The following MFSD1 variants were observed in gnomAD, a reference collection of about 807,000 sequenced individuals.
The protein encoded by MFSD1 is major facilitator superfamily domain containing 1.
Under a neutral mutation model 67.1 loss-of-function variants are expected in MFSD1, and 59 were observed. That is an observed-to-expected ratio of 0.88 (90% CI 0.71 to 1.09). MFSD1 has a LOEUF of 1.09. Ranked by LOEUF, MFSD1 falls within the 50% of genes least tolerant of loss-of-function variation. The pLI is 0.00. For missense variants in MFSD1, 552 were observed against 566.1 expected, an observed-to-expected ratio of 0.97 and a Z score of 0.25; for synonymous variants, 213 against 200.3, an observed-to-expected ratio of 1.06 and a Z score of -0.54.
intron 7 of MFSD1, among the ~76,000 whole-genome samples, chr3:158,814,799 G>A (rs1730230887): frequency 6.6e-6 from 1 of 152,086 alleles, no homozygotes; most frequent in South Asian, 2.1e-4. Context: ...AAAGTTTATA[G>A]CAGCCGGGCA....
rs1315001394 is a variant in MFSD1, at chr3:158,822,064, T to A, written c.1001T>A (p.Val334Asp). The A allele has an allele frequency of 3.7e-6, 6 of 1,613,836 alleles. No individual in the cohort carries two copies. The Admixed American group carries it at 1.0e-4, about 27-fold the overall frequency. ...AAAACAGGGAAGAACATCATCTGGG[T>A]TCTTTGCGCAGTAGCAGCCACTCTT... Reference protein sequence around the residue: ...VDKTGKNIIWVLCAVAATLVS... With the variant: ...VDKTGKNIIWDLCAVAATLVS... Residue 334 changes from valine to aspartate, a missense_variant, in exon 11 of 16, where the codon GTT (valine) becomes GAT (aspartate). Physicochemically the swap from Val to Asp is radical, Grantham distance 152 (BLOSUM62 -3). Transcript: ENST00000415822.
In MFSD1 at chr3:158,822,138, A is replaced by G. The variant is rs779602907; in HGVS notation, c.1075A>G (p.Met359Val). 3.7e-6 allele frequency: 6 copies of G among 1,610,826 alleles called. No homozygotes were observed. The highest frequency in any genetic ancestry group is 2.2e-5 in the East Asian group (1 of 44,830). The change falls in exon 11 of 16, where the codon ATG becomes GTG. Residue 359 changes from methionine (M) to valine (V), a missense_variant and splice_region_variant. Coordinates refer to ENST00000415822, the MANE Select transcript of MFSD1 (RefSeq NM_022736.4). ...AFTMWNPWIA[M>V]CLLGLSYSLL... ...TACGATGTGGAACCCTTGGATTGCTATGGTAACGTCTGTGTTAGCCCATGG... is the reference window on the plus strand; with the variant it reads ...TACGATGTGGAACCCTTGGATTGCTGTGGTAACGTCTGTGTTAGCCCATGG...
At chr3:158,802,429 T>A in intron 1 of MFSD1, 114 bp downstream of exon 1, 2 of 1,213,784 alleles carry the variant, frequency 1.6e-6, no homozygotes, top group Non-Finnish European at 2.4e-6. Flanking sequence ...GCTTCTGTCT[T>A]AAGCTCCTGG....
At chr3:158,813,837 C>A in intron 6 of MFSD1, 128 bp from the exon 7 acceptor site, 5 of 353,550 alleles carry the variant, frequency 1.4e-5, no homozygotes, top group East Asian at 5.4e-5. Context: ...CTTGTAGTGT[C>A]TTTTAAGGAA....
intron 7 of MFSD1, among the ~76,000 whole-genome samples, chr3:158,815,810 C>T (rs1056423525): frequency 2.0e-5 from 3 of 151,270 alleles, no homozygotes; most frequent in Non-Finnish European, 4.4e-5. Context: ...CTCCTCCCCC[C>T]ACCCCACAAC....
intron 3 of MFSD1, among the ~76,000 whole-genome samples, chr3:158,806,434 C>A (rs1042635310): frequency 3.3e-5 from 5 of 152,092 alleles, no homozygotes; most frequent in African/African-American, 1.2e-4. Flanking sequence ...TCACAAGGAT[C>A]TTGAGAGAGA....
At chr3:158,802,950 TC>T (rs1462799963) in intron 1 of MFSD1, among the ~76,000 whole-genome samples, 1 of 152,182 alleles carries the variant, frequency 6.6e-6, no homozygotes, top group African/African-American at 2.4e-5. Flanking sequence ...TCGGCAGTCT[TC>T]TATATATTTT....
chr3:158,802,655 G>A, intron 1 of MFSD1: 1 of 552,976 alleles, frequency 1.8e-6, no homozygotes. Context: ...TGGCACACGT[G>A]GTCGGAGGAA....
At chr3:158,807,346 T>TATAA in intron 4 of MFSD1, 50 bp from the exon 5 acceptor site, 1 of 1,421,636 alleles carries the variant, frequency 7.0e-7, no homozygotes, top group East Asian at 2.3e-5. Flanking sequence ...TTCTCTTTAA[T>TATAA]ACTTTGAATT....
intron 7 of MFSD1, among the ~76,000 whole-genome samples, chr3:158,817,674 C>T (rs1047872037): frequency 2.0e-5 from 3 of 152,094 alleles, no homozygotes; most frequent in African/African-American, 7.2e-5. Context: ...GCCATACTGC[C>T]CAAGGTAGTT....
intron 14 of MFSD1, among the ~76,000 whole-genome samples, chr3:158,826,556 T>G (rs1251191217): frequency 1.3e-5 from 2 of 151,936 alleles, no homozygotes; most frequent in Non-Finnish European, 2.9e-5. Context: ...CATTAGTAAT[T>G]TTTCTAACTG....
chr3:158,827,118 A>G lies in MFSD1; in HGVS notation c.1337-162A>G, dbSNP rs73019641. On this transcript the variant is annotated intron_variant, in intron 14 of 15. Transcript: ENST00000415822. ...AGAATTTCATTTTTTCCCTTTGGGA[A>G]GGTTCCAGTAGATAAACCATTACTT... Among the ~76,000 whole-genome samples, 4,969 of 152,292 alleles carry G rather than the reference A, an allele frequency of 0.033. 196 individuals are homozygous for G. The highest frequency in any genetic ancestry group is 0.096 in the African/African-American group (3,994 of 41,546).
chr3:158,818,865 C>T (rs768103687), intron 7 of MFSD1, among the ~76,000 whole-genome samples: 3 of 152,192 alleles, frequency 2.0e-5, no homozygotes, highest in Non-Finnish European at 4.4e-5. Context: ...GTGCCATCAT[C>T]AGGTCAAATC....
At chr3:158,818,531 A>G (rs987114484) in intron 7 of MFSD1, among the ~76,000 whole-genome samples, 2 of 152,096 alleles carry the variant, frequency 1.3e-5, no homozygotes, top group African/African-American at 4.8e-5. Context: ...CCAGTCTCTA[A>G]TTAAACCACT....
In MFSD1 at chr3:158,824,134, A is replaced by G. The variant is rs1262036036; in HGVS notation, c.1186A>G (p.Ile396Val). ...TTTCTTCCATTGTAGCATGCAGTCC[A>G]TTCAGAATCTTGGGTTGGCCATCAT... ...LGTAYGFMQS[I>V]QNLGLAIISI... Residue 396 changes from isoleucine (I) to valine (V), a missense_variant, in exon 13 of 16, where the codon ATT (isoleucine) becomes GTT (valine). Ile to Val is a conservative substitution (Grantham distance 29). Coordinates refer to ENST00000415822, the MANE Select transcript of MFSD1 (RefSeq NM_022736.4). 2 of 1,611,900 alleles carry G rather than the reference A, an allele frequency of 1.2e-6. No homozygotes were observed. Among genetic ancestry groups the G allele is most frequent in the South Asian group, 1.1e-5 (1 of 91,016 alleles).
At chr3:158,817,008 A>G (rs1730394247) in intron 7 of MFSD1, among the ~76,000 whole-genome samples, 1 of 152,120 alleles carries the variant, frequency 6.6e-6, no homozygotes, top group African/African-American at 2.4e-5. Context: ...CCATTGATCT[A>G]TATCTCTGTT....
chr3:158,827,024 C>T (rs1302117653), intron 14 of MFSD1, among the ~76,000 whole-genome samples: 1 of 152,108 alleles, frequency 6.6e-6, no homozygotes, highest in African/African-American at 2.4e-5. Context: ...AGTAACAACA[C>T]TTGAAGCAAT....
intron 5 of MFSD1, among the ~76,000 whole-genome samples, chr3:158,808,299 C>G (rs545814139): frequency 3.3e-4 from 50 of 152,206 alleles, no homozygotes; most frequent in African/African-American, 1.2e-3. Flanking sequence ...TGTCTTAAGA[C>G]TGTTTCTTAG....
At position 158,807,388 on chromosome 3, in the gene MFSD1, C is replaced by T. The variant is rs116276815; in HGVS notation, c.373-8C>T. On this transcript the variant is annotated splice_region_variant and splice_polypyrimidine_tract_variant and intron_variant, in intron 4 of 15. Transcript: ENST00000415822. The stretch of plus-strand genomic sequence containing the variant: ...TTCATTAATTTGACATGAACTTCTA[C>T]ATTATAGGTTGTTTTTGCCCTGGGT... The T allele has an allele frequency of 2.3e-4, 366 of 1,608,422 alleles. 1 individual carries two copies. The African/African-American group carries it at 4.4e-3, about 19-fold the overall frequency.
Sources: gnomAD v4.1 joint callset for allele counts (sites outside exome capture counted in the v4.1 genomes callset) on GRCh38, gnomAD v4.1.1 for gene constraint, MANE v1.5 for transcripts, NCBI Gene and HGNC (gene_info 2026-07-23, HGNC 2026-07-21) for gene names.